KCTD16: variants seen among roughly 807,000 people sequenced by gnomAD.
The protein encoded by KCTD16 is potassium channel tetramerization domain containing 16, also known as BTB/POZ domain-containing protein KCTD16.
A neutral mutation model predicts 33.2 loss-of-function variants in KCTD16; 13 were observed. The ratio of observed to expected loss-of-function variants is 0.39; its 90% confidence interval spans 0.25 to 0.62. The LOEUF (loss-of-function observed/expected upper bound fraction) is 0.62, where lower values mean the gene tolerates loss of function less well. KCTD16 is among the 20% of genes least tolerant of loss of function. The pLI is 0.50. For synonymous variants in KCTD16, 197 were observed against 195.3 expected (o/e 1.01, Z -0.07); for missense variants, 441 against 525.1 (o/e 0.84, Z 1.57).
At chr5:144,417,380 G>A (rs1282045588) in intron 3 of KCTD16, among the ~76,000 whole-genome samples, 1 of 151,964 alleles carries the variant, frequency 6.6e-6, no homozygotes, top group Admixed American at 6.6e-5. Flanking sequence ...ATGAAATCAG[G>A]CATCTTTTTA....
intron 3 of KCTD16, among the ~76,000 whole-genome samples, chr5:144,462,534 AT>A (rs146733403): frequency 0.42 from 60,419 of 144,304 alleles, 12,811 homozygotes; most frequent in East Asian, 0.67. Flanking sequence ...CAGAGCTATT[AT>A]TTTTTTTTTT....
chr5:144,189,263 C>T (rs191137952), intron 2 of KCTD16, among the ~76,000 whole-genome samples: 34 of 152,050 alleles, frequency 2.2e-4, no homozygotes, highest in Non-Finnish European at 4.6e-4. Context: ...GAGGCCGAGG[C>T]GGGCGGATCA....
chr5:144,296,489 T>C (rs994368230), intron 3 of KCTD16, among the ~76,000 whole-genome samples: 3 of 152,208 alleles, frequency 2.0e-5, no homozygotes, highest in African/African-American at 4.8e-5. Context: ...TGGGGGCCAG[T>C]GGATTAGAAA....
At chr5:144,352,649 G>A (rs1245689082) in intron 3 of KCTD16, among the ~76,000 whole-genome samples, 1 of 152,206 alleles carries the variant, frequency 6.6e-6, no homozygotes, top group African/African-American at 2.4e-5. Flanking sequence ...ATTTGGTTGT[G>A]CCCTGTTCCT....
At chr5:144,328,513 ATTTT>A (rs916014440) in intron 3 of KCTD16, among the ~76,000 whole-genome samples, 1 of 146,540 alleles carries the variant, frequency 6.8e-6, no homozygotes, top group African/African-American at 2.6e-5. Context: ...TTTTTTTTTT[ATTTT>A]TTTTATTTTT....
intron 3 of KCTD16, among the ~76,000 whole-genome samples, chr5:144,406,191 G>A (rs1752805470): frequency 6.6e-6 from 1 of 152,158 alleles, no homozygotes; most frequent in Non-Finnish European, 1.5e-5. Flanking sequence ...CCTAATGAAA[G>A]GCAGCCCACA....
At chr5:144,353,980 G>T (rs189062264) in intron 3 of KCTD16, among the ~76,000 whole-genome samples, 22 of 151,964 alleles carry the variant, frequency 1.4e-4, no homozygotes, top group African/African-American at 5.1e-4. Context: ...AGAGTTTTTT[G>T]AAGAGAGAAC....
At chr5:144,271,481 G>C (rs1343701721) in intron 3 of KCTD16, among the ~76,000 whole-genome samples, 1 of 151,642 alleles carries the variant, frequency 6.6e-6, no homozygotes, top group East Asian at 1.9e-4. Flanking sequence ...AAAAAACTAA[G>C]AATAGAAGGA....
At chr5:144,380,575 A>G (rs1255790598) in intron 3 of KCTD16, among the ~76,000 whole-genome samples, 1 of 152,142 alleles carries the variant, frequency 6.6e-6, no homozygotes, top group East Asian at 1.9e-4. Flanking sequence ...GCATCACACT[A>G]CTCAACTTCA....
At chr5:144,417,461 T>C (rs562391104) in intron 3 of KCTD16, among the ~76,000 whole-genome samples, 26 of 152,270 alleles carry the variant, frequency 1.7e-4, no homozygotes, top group African/African-American at 6.3e-4. Context: ...ATTTTTAAAC[T>C]GAGTTTGCCT....
chr5:144,172,920 AG>A (rs1165873751), intron 1 of KCTD16, among the ~76,000 whole-genome samples: 1 of 152,230 alleles, frequency 6.6e-6, no homozygotes, highest in Non-Finnish European at 1.5e-5. Context: ...TGAATCAAAA[AG>A]GATATCCCTT....
intron 3 of KCTD16, among the ~76,000 whole-genome samples, chr5:144,223,648 GT>G (rs562974239): frequency 3.3e-4 from 47 of 142,698 alleles, no homozygotes; most frequent in Admixed American, 9.8e-4. Context: ...TACATTTTTT[GT>G]TTTTTTTTTT....
At chr5:144,334,406 T>C (rs1175594319) in intron 3 of KCTD16, among the ~76,000 whole-genome samples, 2 of 152,184 alleles carry the variant, frequency 1.3e-5, no homozygotes, top group Non-Finnish European at 2.9e-5. Context: ...AGAATACCTA[T>C]CTCATAGACT....
chr5:144,459,824 C>CTTTTTTTTTT (rs70995051), intron 3 of KCTD16, among the ~76,000 whole-genome samples: 7 of 66,754 alleles, frequency 1.0e-4, no homozygotes, highest in Admixed American at 4.8e-4. Context: ...CCAATATCAT[C>CTTTTTTTTTT]TTTTTTTTTT....
chr5:144,202,699 A>G (rs1753071710), intron 2 of KCTD16, among the ~76,000 whole-genome samples: 1 of 148,960 alleles, frequency 6.7e-6, no homozygotes, highest in Non-Finnish European at 1.5e-5. Context: ...TAATAAACAA[A>G]CTGTTTTAGC....
intron 3 of KCTD16, among the ~76,000 whole-genome samples, chr5:144,458,090 A>G (rs73792037): frequency 0.012 from 1,795 of 152,314 alleles, 31 homozygotes; most frequent in African/African-American, 0.04. Flanking sequence ...CTGGAAGTCT[A>G]GTAACAGTCA....
chr5:144,285,142 A>G (rs1329428907), intron 3 of KCTD16, among the ~76,000 whole-genome samples: 1 of 152,208 alleles, frequency 6.6e-6, no homozygotes. Flanking sequence ...ATCACAAAAC[A>G]ATTTCCTGAG....
At chr5:144,417,524 T>G (rs1446302280) in intron 3 of KCTD16, among the ~76,000 whole-genome samples, 3 of 152,190 alleles carry the variant, frequency 2.0e-5, no homozygotes, top group Non-Finnish European at 4.4e-5. Context: ...AATTATCAGA[T>G]AGATGATTTG....
intron 2 of KCTD16, among the ~76,000 whole-genome samples, chr5:144,193,347 C>T (rs1752879428): frequency 6.6e-6 from 1 of 152,138 alleles, no homozygotes; most frequent in South Asian, 2.1e-4. Flanking sequence ...ATCCAACTTG[C>T]TGGCTTTCTT....
Sources: allele counts gnomAD v4.1 joint callset (sites outside exome capture counted in the v4.1 genomes callset), GRCh38; gene constraint gnomAD v4.1.1; transcripts MANE v1.5; gene names NCBI Gene and HGNC (gene_info 2026-07-23, HGNC 2026-07-21).